CCDC77: variants seen among roughly 807,000 people sequenced by gnomAD.
The protein encoded by CCDC77 is coiled-coil domain-containing protein 77.
In CCDC77, 56 loss-of-function variants were observed where a neutral mutation model predicts 66.8. The ratio of observed to expected loss-of-function variants is 0.84; its 90% CI spans 0.68 to 1.05. The LOEUF (loss-of-function observed/expected upper bound fraction) is 1.05, where lower values mean the gene tolerates loss of function less well. Among genes scored for constraint, CCDC77 ranks in the 50% least tolerant of loss-of-function variants. CCDC77 has a pLI of 0.00. For synonymous variants in CCDC77, 196 were observed against 195.2 expected (o/e 1.00, Z -0.03); for missense variants, 570 against 576.8 (o/e 0.99, Z 0.12).
At chr12:437,796 T>C (rs1945783438) in intron 9 of CCDC77, among the ~76,000 whole-genome samples, 1 of 144,622 alleles carries the variant, frequency 6.9e-6, no homozygotes, top group Admixed American at 7.3e-5. Flanking sequence ...CTGTGAGCTG[T>C]GATCGTGCCT....
intron 4 of CCDC77, among the ~76,000 whole-genome samples, chr12:416,861 A>C (rs1945296135): frequency 6.6e-6 from 1 of 150,596 alleles, no homozygotes; most frequent in Non-Finnish European, 1.5e-5. Flanking sequence ...TAATCCCAGC[A>C]CTTTGGGAGG....
At chr12:415,708 C>T (rs1049549192) in intron 4 of CCDC77, among the ~76,000 whole-genome samples, 1 of 152,048 alleles carries the variant, frequency 6.6e-6, no homozygotes, top group Non-Finnish European at 1.5e-5. Context: ...TCATAGCTCA[C>T]TGCAGCCTCA....
intron 4 of CCDC77, among the ~76,000 whole-genome samples, chr12:415,055 G>A (rs1225908291): frequency 6.6e-6 from 1 of 151,792 alleles, no homozygotes; most frequent in Non-Finnish European, 1.5e-5. Context: ...CATTCCATTT[G>A]GGCTCCTGGA....
At chr12:428,374 A>G (rs1011868515) in intron 5 of CCDC77, among the ~76,000 whole-genome samples, 5 of 151,628 alleles carry the variant, frequency 3.3e-5, no homozygotes, top group African/African-American at 7.3e-5. Context: ...AGCCGGGCAT[A>G]GTGGCGGGCG....
At chr12:424,234 G>A (rs1414602851) in intron 5 of CCDC77, among the ~76,000 whole-genome samples, 1 of 152,162 alleles carries the variant, frequency 6.6e-6, no homozygotes, top group African/African-American at 2.4e-5. Flanking sequence ...CTCCCAAAGT[G>A]CTGGGATTAT....
At chr12:404,035 AC>A in intron 1 of CCDC77, among the ~76,000 whole-genome samples, 1 of 152,326 alleles carries the variant, frequency 6.6e-6, no homozygotes, top group Admixed American at 6.5e-5. Context: ...GGTAGTTGGC[AC>A]TACCAGGCAC....
At chr12:399,718 A>G (rs1397788065), upstream of CCDC77, among the ~76,000 whole-genome samples, 1 of 152,264 alleles carries the variant, frequency 6.6e-6, no homozygotes, top group Non-Finnish European at 1.5e-5. Flanking sequence ...TCAGTTAACC[A>G]TGCTATAAAC....
At chr12:407,000 G>C (rs1189575376) in intron 2 of CCDC77, among the ~76,000 whole-genome samples, 1 of 152,160 alleles carries the variant, frequency 6.6e-6, no homozygotes, top group African/African-American at 2.4e-5. Flanking sequence ...GTCGTCATCT[G>C]GGCAACAGAT....
At chr12:393,130 T>C (rs1944780205) in intron 1 of CCDC77, among the ~76,000 whole-genome samples, 1 of 152,134 alleles carries the variant, frequency 6.6e-6, no homozygotes, top group South Asian at 2.1e-4. Flanking sequence ...TAATTTTTAT[T>C]TTCTTAGACA....
At chr12:408,571 T>A (rs1334100255) in intron 2 of CCDC77, among the ~76,000 whole-genome samples, 3 of 152,098 alleles carry the variant, frequency 2.0e-5, no homozygotes, top group Non-Finnish European at 2.9e-5. Context: ...GTCAATATGT[T>A]GGTGAGGCTG....
chr12:412,475 G>A (rs531916894), intron 4 of CCDC77, among the ~76,000 whole-genome samples: 2 of 152,124 alleles, frequency 1.3e-5, no homozygotes, highest in South Asian at 2.1e-4. Context: ...TCTTAACCTC[G>A]GCATTATTGA....
At chr12:415,053 T>C (rs1334557378) in intron 4 of CCDC77, among the ~76,000 whole-genome samples, 1 of 152,064 alleles carries the variant, frequency 6.6e-6, no homozygotes, top group Non-Finnish European at 1.5e-5. Flanking sequence ...TTCATTCCAT[T>C]TGGGCTCCTG....
intron 2 of CCDC77, among the ~76,000 whole-genome samples, chr12:407,006 CA>C (rs1945006334): frequency 6.6e-6 from 1 of 152,140 alleles, no homozygotes. Context: ...ATCTGGGCAA[CA>C]GATAGCAGTG....
At chr12:417,963 A>G (rs1945319034) in intron 4 of CCDC77, among the ~76,000 whole-genome samples, 1 of 152,124 alleles carries the variant, frequency 6.6e-6, no homozygotes, top group African/African-American at 2.4e-5. Context: ...TATAGTCTGT[A>G]AAAGGAAGAT....
At chr12:438,628 T>G in intron 10 of CCDC77, 74 bp downstream of exon 10, 1 of 1,157,046 alleles carries the variant, frequency 8.6e-7, no homozygotes, top group South Asian at 1.4e-5. Flanking sequence ...AACCTACAAT[T>G]TGTAATGTAA....
chr12:430,736 G>A lies in CCDC77; in HGVS notation c.583G>A (p.Asp195Asn). ...EQSESSAFKA[D>N]PKISKRRPSR... ...GAGTGAATCTTCAGCTTTCAAAGCAGGTAACAACCATATAACCTATTAGAA... is the reference window on the plus strand; with the variant it reads ...GAGTGAATCTTCAGCTTTCAAAGCAAGTAACAACCATATAACCTATTAGAA... The change falls in exon 7 of 13, where the codon GAT becomes AAT. Residue 195 changes from aspartate to asparagine, a missense_variant and splice_region_variant. Asp to Asn is a conservative substitution (Grantham distance 23). Transcript: ENST00000239830. 2 of 1,608,190 alleles carry A rather than the reference G, an allele frequency of 1.2e-6. No individual in the cohort carries two copies. The highest frequency in any genetic ancestry group is 8.5e-7 in the Non-Finnish European group (1 of 1,174,598).
At chr12:431,066 CAAA>C (rs372949107) in intron 7 of CCDC77, among the ~76,000 whole-genome samples, 3 of 105,604 alleles carry the variant, frequency 2.8e-5, no homozygotes, top group African/African-American at 1.1e-4. Context: ...AGACTATCTC[CAAA>C]AAAAAAAAAA....
upstream of CCDC77, among the ~76,000 whole-genome samples, chr12:397,156 G>A (rs553554012): frequency 2.9e-4 from 44 of 152,232 alleles, no homozygotes; most frequent in South Asian, 7.9e-3. Flanking sequence ...GGTGGATCAC[G>A]AGGTCAGGAG....
intron 4 of CCDC77, 124 bp downstream of exon 4, chr12:412,102 GC>G: frequency 1.3e-6 from 1 of 744,390 alleles, no homozygotes; most frequent in Non-Finnish European, 2.2e-6. Flanking sequence ...TTATTCCCCA[GC>G]CCAGCTATTG....
Sources: allele counts gnomAD v4.1 joint callset (sites outside exome capture counted in the v4.1 genomes callset), GRCh38; gene constraint gnomAD v4.1.1; transcripts MANE v1.5; gene names NCBI Gene and HGNC (gene_info 2026-07-23, HGNC 2026-07-21).